The following DLG2 variants were observed in gnomAD, a reference collection of about 807,000 sequenced individuals.
The protein encoded by DLG2 is discs large MAGUK scaffold protein 2.
DLG2 carries 45 observed loss-of-function variants against 132.5 expected under a neutral mutation model. The ratio of observed to expected loss-of-function variants is 0.34; its 90% CI spans 0.27 to 0.44. The LOEUF (loss-of-function observed/expected upper bound fraction) is 0.44, where lower values mean the gene tolerates loss of function less well. Among genes scored for constraint, DLG2 ranks in the 20% least tolerant of loss-of-function variants. DLG2 has a pLI of 1.00. For synonymous variants in DLG2, 424 were observed against 419.6 expected (o/e 1.01, Z -0.13); for missense variants, 1,045 against 1,196.9 (o/e 0.87, Z 1.87).
At chr11:84,081,940 G>T (rs1028100887) in intron 10 of DLG2, among the ~76,000 whole-genome samples, 1 of 152,122 alleles carries the variant, frequency 6.6e-6, no homozygotes, top group Non-Finnish European at 1.5e-5. Flanking sequence ...CACCAACAGT[G>T]TATGTAAAAG....
intron 9 of DLG2, among the ~76,000 whole-genome samples, chr11:84,140,148 G>A (rs1359266868): frequency 6.6e-6 from 1 of 152,050 alleles, no homozygotes; most frequent in African/African-American, 2.4e-5. Context: ...AATGGGAAAG[G>A]AATCAAGCTG....
At chr11:83,829,109 T>G (rs1309378413) in intron 17 of DLG2, among the ~76,000 whole-genome samples, 1 of 152,140 alleles carries the variant, frequency 6.6e-6, no homozygotes, top group African/African-American at 2.4e-5. Flanking sequence ...TCTACTTCCT[T>G]TCTCTGAAAC....
At chr11:83,619,968 T>C (rs2061383228) in intron 19 of DLG2, among the ~76,000 whole-genome samples, 1 of 152,170 alleles carries the variant, frequency 6.6e-6, no homozygotes, top group Non-Finnish European at 1.5e-5. Flanking sequence ...TTAATTTAAA[T>C]GAGAATTAGA....
At chr11:83,508,942 A>G (rs1283269467) in intron 21 of DLG2, among the ~76,000 whole-genome samples, 1 of 152,236 alleles carries the variant, frequency 6.6e-6, no homozygotes, top group African/African-American at 2.4e-5. Flanking sequence ...TGACGGAAGA[A>G]TTGGTTAATA....
rs528210483 is a variant in DLG2 at position 83,970,960 on chromosome 11, T to G, written c.1057-5492A>C. Among the ~76,000 whole-genome samples the G allele has an allele frequency of 2.6e-5, 4 of 152,290 alleles. No individual in the cohort carries two copies. In the East Asian group the frequency reaches 5.8e-4, roughly 22 times the overall value. Reference sequence around the variant, plus strand: ...CTTTTGTGCTGAAGTCTTCAAAATGTTTTCCACAAAAGTGAGTTTGTTTGG... The same window carrying G: ...CTTTTGTGCTGAAGTCTTCAAAATGGTTTCCACAAAAGTGAGTTTGTTTGG... On this transcript the variant is annotated intron_variant, in intron 12 of 27. Coordinates refer to ENST00000376104, the MANE Select transcript of DLG2 (RefSeq NM_001142699.3).
At chr11:83,924,123 T>C (rs1270250577) in intron 15 of DLG2, among the ~76,000 whole-genome samples, 1 of 152,102 alleles carries the variant, frequency 6.6e-6, no homozygotes, top group Non-Finnish European at 1.5e-5. Context: ...ATAAGCTCAG[T>C]GTCTTCATGA....
At chr11:83,936,436 T>C (rs1565712916) in intron 14 of DLG2, among the ~76,000 whole-genome samples, 1 of 152,226 alleles carries the variant, frequency 6.6e-6, no homozygotes, top group Non-Finnish European at 1.5e-5. Context: ...CTTTCCCGTA[T>C]GGTTCACAGC....
intron 3 of DLG2, among the ~76,000 whole-genome samples, chr11:85,390,287 T>G (rs2086687065): frequency 6.6e-6 from 1 of 151,858 alleles, no homozygotes; most frequent in African/African-American, 2.4e-5. Context: ...AAAGGACTAG[T>G]CCAACAGGAA....
chr11:84,776,277 A>T (rs1476770893), intron 6 of DLG2, among the ~76,000 whole-genome samples: 2 of 151,996 alleles, frequency 1.3e-5, no homozygotes, highest in African/African-American at 4.8e-5. Context: ...ACCTAATCCT[A>T]AGTAGCTGGG....
chr11:85,584,547 T>C (rs1565720005), intron 3 of DLG2, among the ~76,000 whole-genome samples: 2 of 152,320 alleles, frequency 1.3e-5, no homozygotes, highest in East Asian at 3.9e-4. Flanking sequence ...CTGGATCAAA[T>C]GATAGTTCTA....
chr11:84,118,175 T>C (rs543623806), intron 9 of DLG2, among the ~76,000 whole-genome samples: 1 of 152,284 alleles, frequency 6.6e-6, no homozygotes, highest in South Asian at 2.1e-4. Context: ...TCTTAGTAAT[T>C]CCTCTAATTA....
chr11:84,724,697 C>A (rs2062207002), intron 6 of DLG2, among the ~76,000 whole-genome samples: 1 of 152,076 alleles, frequency 6.6e-6, no homozygotes, highest in Non-Finnish European at 1.5e-5. Flanking sequence ...TTAAGTAATG[C>A]CCAAGGTAAC....
intron 3 of DLG2, among the ~76,000 whole-genome samples, chr11:85,399,822 A>G (rs2087855338): frequency 6.6e-6 from 1 of 152,162 alleles, no homozygotes; most frequent in Non-Finnish European, 1.5e-5. Flanking sequence ...TAAAACCATA[A>G]AAACCCTAGA....
chr11:85,357,245 TG>T (rs2083776262), intron 3 of DLG2, among the ~76,000 whole-genome samples: 3 of 125,432 alleles, frequency 2.4e-5, no homozygotes, highest in Non-Finnish European at 4.9e-5. Flanking sequence ...TCTTTGTGTG[TG>T]TGTGTGTGTG....
chr11:84,468,688 C>T (rs2099101046), intron 7 of DLG2, among the ~76,000 whole-genome samples: 1 of 151,456 alleles, frequency 6.6e-6, no homozygotes, highest in African/African-American at 2.4e-5. Context: ...CTTTAAAGCA[C>T]CATGTTTCTC....
At chr11:84,610,019 A>T (rs1159400278) in intron 6 of DLG2, among the ~76,000 whole-genome samples, 1 of 152,130 alleles carries the variant, frequency 6.6e-6, no homozygotes, top group African/African-American at 2.4e-5. Context: ...CTTATGGCAT[A>T]CTACTACTTG....
chr11:84,862,030 C>G (rs2083777504), intron 6 of DLG2, among the ~76,000 whole-genome samples: 1 of 103,780 alleles, frequency 9.6e-6, no homozygotes, highest in Admixed American at 1.5e-4. Flanking sequence ...ACTCTGGGGA[C>G]TGTTGTGGGG....
chr11:83,878,178 C>T (rs754299075), intron 15 of DLG2, among the ~76,000 whole-genome samples: 2 of 152,196 alleles, frequency 1.3e-5, no homozygotes, highest in Non-Finnish European at 2.9e-5. Flanking sequence ...GATTTATTCA[C>T]ATGCCCATTT....
chr11:83,829,732 C>CTTATTTAT (rs144370797), intron 17 of DLG2, among the ~76,000 whole-genome samples: 75 of 151,036 alleles, frequency 5.0e-4, no homozygotes, highest in African/African-American at 1.3e-3. Context: ...TAGCCATTTT[C>CTTATTTAT]TTATTTATTT....
Sources: gnomAD v4.1 joint callset for allele counts (sites outside exome capture counted in the v4.1 genomes callset) on GRCh38, gnomAD v4.1.1 for gene constraint, MANE v1.5 for transcripts, NCBI Gene and HGNC (gene_info 2026-07-23, HGNC 2026-07-21) for gene names.